Variants in TENM4 observed in about 807,000 individuals in gnomAD.
TENM4 encodes the protein teneurin-4.
In TENM4, 82 loss-of-function variants were observed where a neutral mutation model predicts 243.3. The ratio of observed to expected loss-of-function variants is 0.34; its 90% CI spans 0.28 to 0.40. The LOEUF (loss-of-function observed/expected upper bound fraction) is 0.40, where lower values mean the gene tolerates loss of function less well. Ranked by LOEUF, TENM4 falls within the 10% of genes least tolerant of loss-of-function variation. TENM4 has a pLI of 1.00. For synonymous variants in TENM4, 1,412 were observed against 1,456.3 expected (o/e 0.97, Z 0.69); for missense variants, 3,138 against 3,673.3 (o/e 0.85, Z 3.77).
At chr11:79,402,047 C>T in intron 1 of TENM4, 1 of 469,232 alleles carries the variant, frequency 2.1e-6, no homozygotes, top group Non-Finnish European at 4.6e-6. Flanking sequence ...AGCTCACAGT[C>T]TAGTTGTGTT....
At chr11:78,814,214 C>A (rs947989399) in intron 13 of TENM4, 80 bp downstream of exon 13, 41 of 1,366,532 alleles carry the variant, frequency 3.0e-5, no homozygotes, top group Middle Eastern at 4.9e-4. Context: ...CTGGATTCTG[C>A]ACTTGCTCTG....
rs1199007302 is a variant in TENM4 at position 78,952,310 on chromosome 11, A to T, written c.494-48787T>A. 5.9e-5 allele frequency among the ~76,000 whole-genome samples: 9 copies of T among 152,234 alleles called. No homozygotes were observed. In the South Asian group the frequency reaches 8.3e-4, roughly 14 times the overall value. ...TGACCAGAGGCTGTGTTGAATCTGC[A>T]TGAAAGTAATAAACTCGAGGAAGGA... is the stretch of plus-strand genomic sequence containing the variant. On this transcript the variant is annotated intron_variant, in intron 6 of 33. Coordinates refer to ENST00000278550, the MANE Select transcript of TENM4 (RefSeq NM_001098816.3).
chr11:79,241,205 G>A (rs1012016820), intron 2 of TENM4, among the ~76,000 whole-genome samples: 2 of 152,056 alleles, frequency 1.3e-5, no homozygotes, highest in African/African-American at 4.8e-5. Flanking sequence ...ACAAAGAAGA[G>A]TTATGTTGTT....
chr11:79,087,439 A>T (rs1160682788), intron 4 of TENM4, among the ~76,000 whole-genome samples: 1 of 152,250 alleles, frequency 6.6e-6, no homozygotes, highest in Non-Finnish European at 1.5e-5. Context: ...CCGCTGGAGC[A>T]GAAACATGCT....
chr11:79,233,125 G>GC (rs745557234), intron 2 of TENM4, among the ~76,000 whole-genome samples: 6 of 152,204 alleles, frequency 3.9e-5, no homozygotes, highest in African/African-American at 7.2e-5. Flanking sequence ...CGCTGAGGCT[G>GC]CCAGACTGAG....
At chr11:79,344,477 A>G (rs1857294648) in intron 1 of TENM4, among the ~76,000 whole-genome samples, 1 of 152,196 alleles carries the variant, frequency 6.6e-6, no homozygotes, top group African/African-American at 2.4e-5. Context: ...TGCCCCAGCC[A>G]AGCTGGTTTG....
intron 6 of TENM4, among the ~76,000 whole-genome samples, chr11:78,941,029 A>G (rs1856881899): frequency 6.6e-6 from 1 of 152,164 alleles, no homozygotes; most frequent in South Asian, 2.1e-4. Flanking sequence ...GTGAACAAAC[A>G]TCCTGCATTT....
intron 1 of TENM4, among the ~76,000 whole-genome samples, chr11:79,362,466 G>A (rs551738755): frequency 6.6e-6 from 1 of 152,330 alleles, no homozygotes; most frequent in Admixed American, 6.5e-5. Flanking sequence ...CTAAATTGAA[G>A]GTTTTATGAT....
chr11:79,318,970 C>T (rs192318961), intron 1 of TENM4, among the ~76,000 whole-genome samples: 1 of 152,286 alleles, frequency 6.6e-6, no homozygotes, highest in Admixed American at 6.5e-5. Context: ...CCATCAGCCA[C>T]AGCTATAGCT....
rs7128624 is a variant in TENM4 at position 79,047,009 on chromosome 11, T to C, written c.493+17729A>G. Among the ~76,000 whole-genome samples the C allele has an allele frequency of 3.7e-3, 559 of 152,322 alleles. 1 individual carries two copies. The highest frequency in any genetic ancestry group is 6.5e-3 in the Non-Finnish European group (443 of 68,028). ...TAATCTATACATATTTATGGAATTTTATGTGCCAGGCCCTGATTACACAGA... is the reference window on the plus strand; with the variant it reads ...TAATCTATACATATTTATGGAATTTCATGTGCCAGGCCCTGATTACACAGA... On this transcript the variant is annotated intron_variant, in intron 6 of 33. Coordinates refer to ENST00000278550, the MANE Select transcript of TENM4 (RefSeq NM_001098816.3).
intron 4 of TENM4, among the ~76,000 whole-genome samples, chr11:79,080,715 G>A (rs938085853): frequency 6.6e-6 from 1 of 152,226 alleles, no homozygotes; most frequent in African/African-American, 2.4e-5. Flanking sequence ...TTCCTTGTAA[G>A]CAGCACTTTG....
intron 3 of TENM4, among the ~76,000 whole-genome samples, chr11:79,178,058 A>C (rs576228939): frequency 1.3e-5 from 2 of 152,276 alleles, no homozygotes; most frequent in African/African-American, 4.8e-5. Flanking sequence ...GAAAGGAAGT[A>C]GTCCGATCAT....
chr11:79,369,309 C>G (rs886336955), intron 1 of TENM4, among the ~76,000 whole-genome samples: 1 of 152,164 alleles, frequency 6.6e-6, no homozygotes, highest in East Asian at 1.9e-4. Context: ...AGCCTGTCAC[C>G]CCCTGAGTTA....
At chr11:78,943,641 G>C (rs2136464998) in intron 6 of TENM4, among the ~76,000 whole-genome samples, 1 of 152,118 alleles carries the variant, frequency 6.6e-6, no homozygotes, top group Non-Finnish European at 1.5e-5. Flanking sequence ...TTTTCTAGTA[G>C]GGAAATGTAC....
chr11:78,778,161 T>A (rs779774623), intron 17 of TENM4, among the ~76,000 whole-genome samples: 1 of 152,156 alleles, frequency 6.6e-6, no homozygotes, highest in Non-Finnish European at 1.5e-5. Flanking sequence ...ACAGTAGTAC[T>A]AGAAAGTAGT....
At chr11:79,094,475 T>C (rs1441688932) in intron 4 of TENM4, among the ~76,000 whole-genome samples, 1 of 152,168 alleles carries the variant, frequency 6.6e-6, no homozygotes, top group East Asian at 1.9e-4. Context: ...TCGTCTACCA[T>C]GCCTCTTTTC....
At chr11:78,905,163 A>C (rs907197315) in intron 6 of TENM4, among the ~76,000 whole-genome samples, 7 of 152,216 alleles carry the variant, frequency 4.6e-5, no homozygotes, top group African/African-American at 1.4e-4. Flanking sequence ...TTTGTTCCTC[A>C]TGAGAATTCT....
At chr11:79,376,762 G>T (rs190681924) in intron 1 of TENM4, among the ~76,000 whole-genome samples, 141 of 152,288 alleles carry the variant, frequency 9.3e-4, no homozygotes, top group African/African-American at 3.3e-3. Context: ...CCTTGCCAGG[G>T]TGGTATGTCC....
At chr11:78,795,971 C>T (rs1180736647) in intron 15 of TENM4, among the ~76,000 whole-genome samples, 2 of 152,132 alleles carry the variant, frequency 1.3e-5, no homozygotes, top group South Asian at 2.1e-4. Context: ...CCCTATCACC[C>T]GAGAGTCAGA....
Sources: allele counts gnomAD v4.1 joint callset (sites outside exome capture counted in the v4.1 genomes callset), GRCh38; gene constraint gnomAD v4.1.1; transcripts MANE v1.5; gene names NCBI Gene and HGNC (gene_info 2026-07-23, HGNC 2026-07-21).